The following SLC14A2 variants were observed in gnomAD, a reference collection of about 807,000 sequenced individuals.
SLC14A2 encodes the protein urea transporter 2.
In SLC14A2, 91 loss-of-function variants were observed where a neutral mutation model predicts 104.6. The ratio of observed to expected loss-of-function variants is 0.87; its 90% CI spans 0.73 to 1.04. The LOEUF (loss-of-function observed/expected upper bound fraction) is 1.04. Among genes scored for constraint, SLC14A2 ranks in the 50% least tolerant of loss-of-function variants. SLC14A2 has a pLI of 0.00. For missense variants in SLC14A2, 1,189 were observed against 1,156.0 expected (o/e 1.03, Z -0.41); for synonymous variants, 476 against 466.4 (o/e 1.02, Z -0.27).
At chr18:45,218,449 A>G (rs1014196029) in intron 1 of SLC14A2, among the ~76,000 whole-genome samples, 7 of 152,216 alleles carry the variant, frequency 4.6e-5, no homozygotes, top group African/African-American at 1.2e-4. Flanking sequence ...TTACTGTCCA[A>G]TCGGCATCTA....
intron 2 of SLC14A2, among the ~76,000 whole-genome samples, chr18:45,559,202 G>A (rs990238825): frequency 6.6e-6 from 1 of 152,148 alleles, no homozygotes; most frequent in African/African-American, 2.4e-5. Context: ...GATGAGATAC[G>A]TAAGCAGCCA....
chr18:45,542,471 G>T (rs148640259), intron 2 of SLC14A2: 1 of 152,250 alleles, frequency 6.6e-6, no homozygotes, highest in African/African-American at 2.4e-5. Context: ...AAAGCTTTGT[G>T]GTGATTTGTG....
intron 2 of SLC14A2, among the ~76,000 whole-genome samples, chr18:45,574,354 G>C (rs954656535): frequency 1.3e-5 from 2 of 152,210 alleles, no homozygotes; most frequent in African/African-American, 4.8e-5. Context: ...AAAGACAGTA[G>C]ATTAGGTCCA....
Position 45,667,931 on chromosome 18 carries a change from G to A in SLC14A2, c.1816G>A (p.Gly606Ser), listed in dbSNP as rs563754662. 14 of 1,613,982 alleles carry A rather than the reference G, an allele frequency of 8.7e-6. No individual in the cohort carries two copies. Among genetic ancestry groups the A allele is most frequent in the South Asian group, 7.7e-5 (7 of 91,076 alleles). The change falls in exon 14 of 20, where the codon GGC (glycine) becomes AGC (serine). Residue 606 changes from glycine to serine, a missense_variant. Gly to Ser is a moderately conservative substitution (Grantham distance 56). Transcript: ENST00000255226. ...NPLSGILIIL[G>S]LFIQNPWWAI... ...CCTCAGCGGCATCCTCATCATCCTC[G>A]GCCTCTTCATCCAGAACCCCTGGTG...
At chr18:45,206,767 G>T in the SLC14A2 span, among the ~76,000 whole-genome samples, 4 of 152,074 alleles carry the variant, frequency 2.6e-5, no homozygotes, top group African/African-American at 4.8e-5. Context: ...CTGGACAGGG[G>T]GTTACATACA....
intron 2 of SLC14A2, among the ~76,000 whole-genome samples, chr18:45,584,019 C>G (rs2144367283): frequency 6.6e-6 from 1 of 152,312 alleles, no homozygotes; most frequent in South Asian, 2.1e-4. Context: ...AAAATTATTA[C>G]TGAGTTTACA....
intron 2 of SLC14A2, among the ~76,000 whole-genome samples, chr18:45,606,775 T>G (rs2044879345): frequency 6.8e-6 from 1 of 146,122 alleles, no homozygotes; most frequent in African/African-American, 2.6e-5. Flanking sequence ...AAAAAAACAC[T>G]GGCTGCAAGG....
intron 1 of SLC14A2, among the ~76,000 whole-genome samples, chr18:45,366,812 G>A (rs1227733008): frequency 1.3e-5 from 2 of 152,218 alleles, no homozygotes; most frequent in Non-Finnish European, 2.9e-5. Flanking sequence ...TCAGGCTGCT[G>A]ATGGACTGGA....
At chr18:45,214,350 A>C (rs1487726989) in intron 1 of SLC14A2, among the ~76,000 whole-genome samples, 1 of 152,144 alleles carries the variant, frequency 6.6e-6, no homozygotes, top group Non-Finnish European at 1.5e-5. Context: ...GTGTATCTTG[A>C]GGGAAATCAG....
At chr18:45,390,505 G>A (rs2085948465) in intron 1 of SLC14A2, among the ~76,000 whole-genome samples, 1 of 152,104 alleles carries the variant, frequency 6.6e-6, no homozygotes, top group South Asian at 2.1e-4. Context: ...AATATTCACT[G>A]AGCACCTAAT....
intron 1 of SLC14A2, among the ~76,000 whole-genome samples, chr18:45,391,089 C>T (rs1170196360): frequency 6.6e-6 from 1 of 152,096 alleles, no homozygotes; most frequent in Non-Finnish European, 1.5e-5. Flanking sequence ...CTCCACCCAC[C>T]CCACAACAGG....
chr18:45,403,135 G>A (rs939314266), intron 1 of SLC14A2, among the ~76,000 whole-genome samples: 25 of 152,062 alleles, frequency 1.6e-4, no homozygotes, highest in Non-Finnish European at 1.8e-4. Context: ...CTCCCTTCTC[G>A]GCTTTCAGAT....
chr18:45,170,045 C>G, the SLC14A2 span, among the ~76,000 whole-genome samples: 1 of 152,124 alleles, frequency 6.6e-6, no homozygotes, highest in Non-Finnish European at 1.5e-5. Flanking sequence ...TAAAATCTTT[C>G]AGAAAGAGAT....
chr18:45,667,739 T>A, intron 13 of SLC14A2, 94 bp from the exon 14 acceptor site: 1 of 1,011,004 alleles, frequency 9.9e-7, no homozygotes, highest in Non-Finnish European at 1.5e-6. Flanking sequence ...GCAAACCCAC[T>A]TCGGATATCC....
intron 1 of SLC14A2, among the ~76,000 whole-genome samples, chr18:45,244,962 A>G (rs9973057): frequency 0.23 from 35,069 of 152,114 alleles, 4,620 homozygotes; most frequent in African/African-American, 0.36. Flanking sequence ...GTTGAGCCTA[A>G]GAATGTAAGT....
intron 1 of SLC14A2, among the ~76,000 whole-genome samples, chr18:45,236,945 A>C (rs2084260870): frequency 6.6e-6 from 1 of 151,858 alleles, no homozygotes; most frequent in South Asian, 2.1e-4. Context: ...TCTAGTCTCA[A>C]CCCTGGGGCC....
intron 2 of SLC14A2, among the ~76,000 whole-genome samples, chr18:45,495,025 G>A (rs1230200163): frequency 6.6e-6 from 1 of 151,852 alleles, no homozygotes; most frequent in East Asian, 1.9e-4. Context: ...TCAGTGTCTG[G>A]CCACTGCTTT....
chr18:45,438,122 A>C (rs1225944778), intron 1 of SLC14A2: 3 of 152,246 alleles, frequency 2.0e-5, no homozygotes, highest in African/African-American at 7.2e-5. Context: ...AAAGACTTTC[A>C]GTAAGTATAC....
chr18:45,396,898 TATAAGTG>T (rs1487904969), intron 1 of SLC14A2, among the ~76,000 whole-genome samples: 1 of 152,144 alleles, frequency 6.6e-6, no homozygotes, highest in Admixed American at 6.6e-5. Context: ...AGCCCCCACT[TATAAGTG>T]ATAAATGTGG....
Sources: allele counts gnomAD v4.1 joint callset (sites outside exome capture counted in the v4.1 genomes callset), GRCh38; gene constraint gnomAD v4.1.1; transcripts MANE v1.5; gene names NCBI Gene and HGNC (gene_info 2026-07-23, HGNC 2026-07-21).